The following PCDHGA5 variants were observed in gnomAD, a reference collection of about 807,000 sequenced individuals.
PCDHGA5 encodes the protein protocadherin gamma subfamily A, 5.
Under a neutral mutation model 56.7 loss-of-function variants are expected in PCDHGA5, and 36 were observed. The observed-to-expected ratio is 0.64, with a 90% CI of 0.49 to 0.84. PCDHGA5 has a LOEUF of 0.84. Among genes scored for constraint, PCDHGA5 ranks in the 40% least tolerant of loss-of-function variants. The pLI, the probability that PCDHGA5 is intolerant of heterozygous loss-of-function variation, is 0.00. For synonymous variants in PCDHGA5, 563 were observed against 520.2 expected (o/e 1.08, Z -1.12); for missense variants, 1,305 against 1,201.5 (o/e 1.09, Z -1.27).
chr5:141,489,220 C>G lies in PCDHGA5; in HGVS notation c.2422-5587C>G. The G allele has an allele frequency of 6.6e-7, 1 of 1,508,698 alleles. No individual in the cohort carries two copies. Among genetic ancestry groups the G allele is most frequent in the South Asian group, 1.3e-5 (1 of 75,604 alleles). The allele number at this position is 1,508,698 out of a possible 1,614,324, so 93.5% of individuals were successfully genotyped here. A position where few individuals can be genotyped will look rare whatever the true frequency, so the allele number is the denominator to read the frequency against. ...AGACAGGACAGCACAGACTTACTCT[C>G]CACAAAGGGACTTCTGGGTCATGGG... On this transcript the variant is annotated intron_variant, in intron 1 of 3. Transcript: ENST00000518069. The surrounding 1 kb of genome is among the most constrained non-coding windows in gnomAD (Gnocchi z 4.5).
chr5:141,427,319 G>T (rs1184530487), intron 1 of PCDHGA5: 4 of 456,958 alleles, frequency 8.8e-6, no homozygotes, highest in African/African-American at 8.0e-5. Flanking sequence ...CCCCAGACGT[G>T]GTTTTTACTT....
chr5:141,475,984 G>A, intron 1 of PCDHGA5: 2 of 1,069,308 alleles, frequency 1.9e-6, no homozygotes, highest in Non-Finnish European at 2.7e-6. Flanking sequence ...AACAGCCGGC[G>A]AGCAAATCAA....
intron 1 of PCDHGA5, chr5:141,426,432 C>A (rs1239073805): frequency 1.0e-5 from 3 of 295,812 alleles, no homozygotes; most frequent in South Asian, 3.3e-5. Flanking sequence ...TGGTGGGGAA[C>A]CTTGCGGAGG....
At chr5:141,406,948 CAT>C (rs777377851) in intron 1 of PCDHGA5, among the ~76,000 whole-genome samples, 2 of 152,096 alleles carry the variant, frequency 1.3e-5, no homozygotes, top group Non-Finnish European at 2.9e-5. Context: ...TTATTTTAAA[CAT>C]AGTGTTGTTT....
intron 1 of PCDHGA5, chr5:141,375,475 C>G (rs774489564): frequency 1.9e-6 from 3 of 1,613,884 alleles, no homozygotes; most frequent in Non-Finnish European, 2.5e-6. Context: ...TCCTTGAAAA[C>G]AACCCCAGGG....
intron 1 of PCDHGA5, chr5:141,423,316 G>C (rs1424301976): frequency 1.2e-6 from 2 of 1,614,044 alleles, no homozygotes; most frequent in Non-Finnish European, 1.7e-6. Context: ...CTTGGTGGTG[G>C]CGGTGGCCGC....
intron 1 of PCDHGA5, among the ~76,000 whole-genome samples, chr5:141,462,559 T>G (rs1035231534): frequency 6.6e-6 from 1 of 152,248 alleles, no homozygotes; most frequent in African/African-American, 2.4e-5. Flanking sequence ...CAGTGTTTAC[T>G]GTATTTGCTA....
At chr5:141,461,592 A>G (rs777372149) in intron 1 of PCDHGA5, among the ~76,000 whole-genome samples, 4 of 152,148 alleles carry the variant, frequency 2.6e-5, no homozygotes, top group African/African-American at 2.4e-5. Flanking sequence ...TTATATTTCC[A>G]TTATAATTTA....
rs1192545271 is a variant in PCDHGA5, at chr5:141,366,193, G to T, written c.1863G>T (p.Leu621=). Residue 621 remains leucine (L), a synonymous_variant, in exon 1 of 4, where the codon CTG becomes CTT. Coordinates refer to ENST00000518069, the MANE Select transcript of PCDHGA5 (RefSeq NM_018918.3). ...AGCCAGGACTCTTTGCGGTTGGGCT[G>T]CACACGGGCGAGGTGCGCACAGCGC... ...ASEPGLFAVG[L]HTGEVRTARA... The T allele has an allele frequency of 1.2e-6, 2 of 1,613,934 alleles. No homozygotes were observed. Among genetic ancestry groups the T allele is most frequent in the Admixed American group, 3.3e-5 (2 of 60,034 alleles).
At chr5:141,436,331 T>A (rs919524287) in intron 1 of PCDHGA5, among the ~76,000 whole-genome samples, 1 of 152,198 alleles carries the variant, frequency 6.6e-6, no homozygotes, top group Non-Finnish European at 1.5e-5. Flanking sequence ...TTAGACCATA[T>A]CTCAAATATC....
Position 141,370,856 on chromosome 5 carries a change from G to A in PCDHGA5, c.2421+4105G>A, listed in dbSNP as rs752174657. On this transcript the variant is annotated intron_variant, in intron 1 of 3. Coordinates refer to ENST00000518069, the MANE Select transcript of PCDHGA5 (RefSeq NM_018918.3). ...CTCTCACTGGAGCCACATTTGCCCT[G>A]GAATCTGCGCAAGATCCTGATGTAG... The A allele has an allele frequency of 1.9e-6, 3 of 1,613,928 alleles. No homozygotes were observed. The East Asian group carries it at 6.7e-5, about 36-fold the overall frequency.
chr5:141,474,105 C>A (rs1292743515), intron 1 of PCDHGA5, among the ~76,000 whole-genome samples: 1 of 152,036 alleles, frequency 6.6e-6, no homozygotes, highest in African/African-American at 2.4e-5. Flanking sequence ...ACAACAAAAA[C>A]AACAACAACG....
At chr5:141,393,494 C>T (rs750216965) in intron 1 of PCDHGA5, 16 of 1,613,946 alleles carry the variant, frequency 9.9e-6, no homozygotes, top group Non-Finnish European at 1.3e-5. Flanking sequence ...GCACAGTGCG[C>T]ATCCACGTGA....
chr5:141,389,464 A>G (rs1277929756), intron 1 of PCDHGA5: 1 of 1,613,306 alleles, frequency 6.2e-7, no homozygotes, highest in Admixed American at 1.7e-5. Flanking sequence ...CGCGCCTTCG[A>G]ACTCACACTG....
At chr5:141,404,371 C>T in intron 1 of PCDHGA5, 2 of 1,613,892 alleles carry the variant, frequency 1.2e-6, no homozygotes, top group Non-Finnish European at 1.7e-6. Flanking sequence ...CCATCTTCTC[C>T]GTGATTGCCT....
Position 141,476,944 on chromosome 5 carries a change from C to A in PCDHGA5, c.2422-17863C>A. The A allele has an allele frequency of 1.9e-6, 3 of 1,614,188 alleles. No individual in the cohort carries two copies. The highest frequency in any genetic ancestry group is 2.5e-6 in the Non-Finnish European group (3 of 1,180,044). ...CAACGGATCTGGATGAAGGCCCCAA[C>A]GGTGAAATTATTTACTCCTTCGGCA... On this transcript the variant is annotated intron_variant, in intron 1 of 3. Transcript: ENST00000518069. This position sits in a 1 kb window ranked among gnomAD's most constrained non-coding sequence, Gnocchi z 7.6.
intron 1 of PCDHGA5, among the ~76,000 whole-genome samples, chr5:141,462,023 A>T (rs927945421): frequency 1.3e-5 from 2 of 152,112 alleles, no homozygotes; most frequent in African/African-American, 4.8e-5. Flanking sequence ...GGGTTTCTTC[A>T]TGTTGGTCAG....
intron 1 of PCDHGA5, chr5:141,410,640 G>T: frequency 1.3e-6 from 2 of 1,599,058 alleles, no homozygotes; most frequent in Non-Finnish European, 1.7e-6. Flanking sequence ...TCTTTTTTGT[G>T]TGTGATTTAT....
At chr5:141,388,552 G>C in intron 1 of PCDHGA5, 1 of 1,613,814 alleles carries the variant, frequency 6.2e-7, no homozygotes, top group Non-Finnish European at 8.5e-7. Flanking sequence ...CCACCCCTAA[G>C]CAGCACTGCA....
Sources: allele counts gnomAD v4.1 joint callset (sites outside exome capture counted in the v4.1 genomes callset), GRCh38; gene constraint gnomAD v4.1.1; non-coding constraint Gnocchi (gnomAD v3.1); transcripts MANE v1.5; gene names NCBI Gene and HGNC (gene_info 2026-07-23, HGNC 2026-07-21).